The following PRR16 variants were observed in gnomAD, a reference collection of about 807,000 sequenced individuals.
The protein encoded by PRR16 is protein Largen.
A neutral mutation model predicts 18.2 loss-of-function variants in PRR16; 6 were observed. The observed-to-expected ratio is 0.33, with a 90% CI of 0.18 to 0.65. The LOEUF (loss-of-function observed/expected upper bound fraction) is 0.65. Among genes scored for constraint, PRR16 ranks in the 30% least tolerant of loss-of-function variants. The pLI is 0.74. For missense variants in PRR16, 412 were observed against 376.6 expected (o/e 1.09, Z -0.78); for synonymous variants, 151 against 147.8 (o/e 1.02, Z -0.16).
the PRR16 span, among the ~76,000 whole-genome samples, chr5:120,754,528 TATAATTATATG>T: frequency 2.9e-5 from 3 of 102,774 alleles, no homozygotes; most frequent in African/African-American, 8.0e-5. Context: ...TTATATATTA[TATAATTATATG>T]TAATTATATA....
chr5:120,725,707 T>C, the PRR16 span, among the ~76,000 whole-genome samples: 2 of 152,076 alleles, frequency 1.3e-5, no homozygotes, highest in African/African-American at 4.8e-5. Context: ...AGTTCTCAAC[T>C]GTTTATACAC....
chr5:120,566,660 A>G lies in PRR16; in HGVS notation c.159+102015A>G, dbSNP rs150484976. On this transcript the variant is annotated intron_variant, in intron 1 of 1. Transcript: ENST00000407149. ...AAACGGAAACACTTCTTGTTTTAAA[A>G]GTGATTAATTTTTGAATAGCTGTAC... Among the ~76,000 whole-genome samples, 119 of 152,350 alleles carry G rather than the reference A, an allele frequency of 7.8e-4. No individual in the cohort carries two copies. In the East Asian group the frequency reaches 0.021, roughly 27 times the overall value.
the PRR16 span, among the ~76,000 whole-genome samples, chr5:120,758,010 G>A: frequency 3.7e-5 from 4 of 108,644 alleles, no homozygotes; most frequent in African/African-American, 1.2e-4. Flanking sequence ...TTTTTAATAT[G>A]GCTACTTTTG....
intron 1 of PRR16, among the ~76,000 whole-genome samples, chr5:120,645,882 G>C (rs1012764287): frequency 6.6e-6 from 1 of 151,670 alleles, no homozygotes; most frequent in Non-Finnish European, 1.5e-5. Flanking sequence ...GATATCTTTC[G>C]TAAAACAGAG....
intron 1 of PRR16, among the ~76,000 whole-genome samples, chr5:120,651,062 A>G (rs1338032362): frequency 3.3e-5 from 5 of 152,070 alleles, no homozygotes; most frequent in Admixed American, 6.5e-5. Context: ...TTTCATTTGC[A>G]TTTCTCTGAT....
intron 1 of PRR16, among the ~76,000 whole-genome samples, chr5:120,522,379 T>C (rs1751212593): frequency 6.6e-6 from 1 of 152,178 alleles, no homozygotes; most frequent in African/African-American, 2.4e-5. Context: ...TGGTGTGAGA[T>C]GGTATCTCAT....
chr5:120,716,979 C>G, the PRR16 span, among the ~76,000 whole-genome samples: 4 of 152,166 alleles, frequency 2.6e-5, no homozygotes, highest in Non-Finnish European at 5.9e-5. Flanking sequence ...TAGTCTATAC[C>G]AGGCAATGTG....
the PRR16 span, among the ~76,000 whole-genome samples, chr5:120,788,314 G>C: frequency 5.3e-5 from 8 of 151,950 alleles, no homozygotes; most frequent in Non-Finnish European, 1.2e-4. Context: ...GTTTTAATAA[G>C]CTGTAGCAGC....
At chr5:120,688,388 C>A (rs1040643022), downstream of PRR16, among the ~76,000 whole-genome samples, 1 of 151,992 alleles carries the variant, frequency 6.6e-6, no homozygotes, top group African/African-American at 2.4e-5. Context: ...CAGAAAGTTA[C>A]AAAACAGATC....
intron 1 of PRR16, among the ~76,000 whole-genome samples, chr5:120,523,257 G>T (rs376951459): frequency 2.2e-4 from 34 of 152,196 alleles, no homozygotes; most frequent in South Asian, 2.1e-3. Flanking sequence ...CTCAACACTG[G>T]TGTTATGAAA....
In PRR16 at chr5:120,466,969, C is replaced by T. The variant is rs530048917; in HGVS notation, c.159+2324C>T. Among the ~76,000 whole-genome samples, 6 of 152,174 alleles carry T rather than the reference C, an allele frequency of 3.9e-5. No individual in the cohort carries two copies. In the East Asian group the frequency reaches 9.6e-4, roughly 24 times the overall value. On this transcript the variant is annotated intron_variant, in intron 1 of 1. Transcript: ENST00000407149. ...CTACAATGGCCAAATCCCAAAACAT[C>T]GGCTATTCATAGAATATGAATGAAA...
At chr5:120,650,824 G>A (rs530168241) in intron 1 of PRR16, among the ~76,000 whole-genome samples, 2 of 152,028 alleles carry the variant, frequency 1.3e-5, no homozygotes, top group East Asian at 3.9e-4. Context: ...ATGATTTATA[G>A]TCCTTTGGGT....
the PRR16 span, among the ~76,000 whole-genome samples, chr5:120,773,811 A>G: frequency 6.6e-6 from 1 of 152,140 alleles, no homozygotes; most frequent in Non-Finnish European, 1.5e-5. Context: ...TATGAAGTAC[A>G]AAGAAATATA....
At chr5:120,702,388 C>T in the PRR16 span, among the ~76,000 whole-genome samples, 1 of 151,570 alleles carries the variant, frequency 6.6e-6, no homozygotes, top group Admixed American at 6.6e-5. Context: ...AAAAGTGGGA[C>T]TTGCCGCTAA....
the PRR16 span, among the ~76,000 whole-genome samples, chr5:120,758,008 A>G: frequency 0.056 from 6,758 of 119,876 alleles, 513 homozygotes; most frequent in African/African-American, 0.18. Context: ...TATTTTTAAT[A>G]TGGCTACTTT....
At chr5:120,642,031 C>T (rs1355753554) in intron 1 of PRR16, among the ~76,000 whole-genome samples, 1 of 152,038 alleles carries the variant, frequency 6.6e-6, no homozygotes, top group East Asian at 1.9e-4. Context: ...TTTCTCTTTA[C>T]CCTCTACATC....
rs781215514 is a variant in PRR16 at position 120,686,283 on chromosome 5, T to C, written c.489T>C (p.Pro163=). The part of the protein sequence containing the change: ...LLRNGGLPGG[P]NKIPNGDICC... Reference sequence around the variant, plus strand: ...GAAATGGAGGCTTACCAGGTGGACCTAACAAAATTCCAAATGGAGATATCT... The same window carrying C: ...GAAATGGAGGCTTACCAGGTGGACCCAACAAAATTCCAAATGGAGATATCT... Residue 163 remains proline, a synonymous_variant, in exon 2 of 2, where the codon CCT becomes CCC. Transcript: ENST00000407149. 1.2e-6 allele frequency: 2 copies of C among 1,614,080 alleles called. No homozygotes were observed. Among genetic ancestry groups the C allele is most frequent in the Non-Finnish European group, 1.7e-6 (2 of 1,180,018 alleles).
At chr5:120,766,271 C>A in the PRR16 span, among the ~76,000 whole-genome samples, 1 of 151,850 alleles carries the variant, frequency 6.6e-6, no homozygotes, top group African/African-American at 2.4e-5. Flanking sequence ...CTAGTCATTG[C>A]CTGCTTTTGT....
intron 1 of PRR16, among the ~76,000 whole-genome samples, chr5:120,606,811 G>A (rs12654348): frequency 0.43 from 65,697 of 151,798 alleles, 15,004 homozygotes; most frequent in East Asian, 0.82. Flanking sequence ...GCAGGCTGAG[G>A]TGGTAGGATC....
Sources: allele counts gnomAD v4.1 joint callset (sites outside exome capture counted in the v4.1 genomes callset), GRCh38; gene constraint gnomAD v4.1.1; transcripts MANE v1.5; gene names NCBI Gene and HGNC (gene_info 2026-07-23, HGNC 2026-07-21).